PHF23: variants seen among roughly 807,000 people sequenced by gnomAD.
The protein encoded by PHF23 is PHD finger protein 23, also known as PDH-containing protein JUNE-1.
A neutral mutation model predicts 36.0 loss-of-function variants in PHF23; 3 were observed. The ratio of observed to expected loss-of-function variants is 0.08; its 90% CI spans 0.04 to 0.22. The LOEUF (loss-of-function observed/expected upper bound fraction) is 0.22. PHF23 is among the 10% of genes least tolerant of loss of function. The pLI is 1.00. For missense variants in PHF23, 475 were observed against 513.6 expected (o/e 0.92, Z 0.73); for synonymous variants, 242 against 192.5 (o/e 1.26, Z -2.13).
At chr17:7,237,725 AC>A (rs2071698338) in intron 1 of PHF23, 65 bp from the exon 2 acceptor site, 3 of 1,576,032 alleles carry the variant, frequency 1.9e-6, no homozygotes, top group East Asian at 4.5e-5. Context: ...CCCCCTCTAA[AC>A]CCCGTTGTTC....
rs372556108 is a variant in PHF23 at position 7,237,462 on chromosome 17, G to T, written c.82C>A (p.Arg28=). The change falls in exon 3 of 5, where the codon CGG becomes AGG. Residue 28 remains arginine (R), a synonymous_variant. Transcript: ENST00000320316. The part of the protein sequence containing the change: ...KPETQPPEKR[R]RTIEDFNKFC... ...TTGTTGAAATCCTCAATTGTTCTCC[G>T]CCGTTTCTCTGGTGGCTGAAAGGAA... 1.3e-4 allele frequency: 212 copies of T among 1,613,936 alleles called. No homozygotes were observed. The highest frequency in any genetic ancestry group is 5.7e-4 in the South Asian group (52 of 91,068).
In PHF23 at chr17:7,236,853, G is replaced by C; in HGVS notation, c.160-86C>G. 6.7e-7 allele frequency: 1 copy of C among 1,502,660 alleles called. No individual in the cohort carries two copies. The highest frequency in any genetic ancestry group is 2.3e-5 in the Admixed American group (1 of 43,486). 93.1% of individuals were successfully genotyped at this position (1,502,660 alleles called of 1,614,324 possible). The stretch of plus-strand genomic sequence containing the variant: ...AACCCAGCTTGAAAAGGAGTGACTG[G>C]ATTTACCCCAAAATGTCCTACCTCA... On this transcript the variant is annotated intron_variant, in intron 3 of 4. Transcript: ENST00000320316. The surrounding 1 kb of genome is among the most constrained non-coding windows in gnomAD (Gnocchi z 5.1).
At chr17:7,237,819 T>C (rs2071702655) in intron 1 of PHF23, 159 bp from the exon 2 acceptor site, 1 of 811,238 alleles carries the variant, frequency 1.2e-6, no homozygotes, top group Non-Finnish European at 1.9e-6. Context: ...GGCTCCCCCT[T>C]CCGCCCCGCG....
intron 1 of PHF23, chr17:7,238,841 A>AC: frequency 1.3e-6 from 2 of 1,532,322 alleles, no homozygotes. Flanking sequence ...CTCCGGTACC[A>AC]CCGCCACAAA....
Position 7,236,224 on chromosome 17 carries a change from G to A in PHF23, c.703C>T (p.Pro235Ser), listed in dbSNP as rs888092461. 12 of 1,613,210 alleles carry A rather than the reference G, an allele frequency of 7.4e-6. No individual in the cohort carries two copies. The Middle Eastern group carries it at 4.9e-4, about 66-fold the overall frequency. ...CTGGGGGGTGCCTGGGGAGGCCCAG[G>A]AGGTGGGAGTCTATCCCCCCGTTCT... is the stretch of plus-strand genomic sequence containing the variant. ...KAERGDRLPP[P>S]GPPQAPPSDT... The change falls in exon 4 of 5, where the codon CCT becomes TCT. Residue 235 changes from proline (P) to serine (S), a missense_variant. Transcript: ENST00000320316. This position sits in a 1 kb window ranked among gnomAD's most constrained non-coding sequence, Gnocchi z 5.1.
upstream of PHF23, chr17:7,240,782 A>G: frequency 1.1e-6 from 1 of 945,916 alleles, no homozygotes; most frequent in Non-Finnish European, 1.7e-6. Context: ...TTGAAGGAGG[A>G]GGAGGTCAAG....
At chr17:7,238,756 C>T (rs1244460692) in intron 1 of PHF23, 3 of 1,531,196 alleles carry the variant, frequency 2.0e-6, no homozygotes, top group African/African-American at 1.4e-5. Flanking sequence ...ATACCCAGAC[C>T]CCCTCTTCTC....
At position 7,236,332 on chromosome 17, in the gene PHF23, G is replaced by A. The variant is rs1421315873; in HGVS notation, c.595C>T (p.Leu199Phe). Residue 199 changes from leucine to phenylalanine, a missense_variant, in exon 4 of 5, where the codon CTT (leucine) becomes TTT (phenylalanine). This residue lies in a region of PHF23 where 350 missense variants were observed against 319.8 expected (regional missense o/e 1.09). Transcript: ENST00000320316. This position sits in a 1 kb window ranked among gnomAD's most constrained non-coding sequence, Gnocchi z 5.1. ...GPGAGAGFGV[L>F]RRPRPTPGDG... The stretch of plus-strand genomic sequence containing the variant: ...CCAGGAGTTGGCCGAGGCCTCCGAA[G>A]CACCCCAAAGCCAGCCCCAGCTCCT... The A allele has an allele frequency of 6.2e-7, 1 of 1,613,994 alleles. No homozygotes were observed. Among genetic ancestry groups the A allele is most frequent in the Non-Finnish European group, 8.5e-7 (1 of 1,180,016 alleles).
rs750634005 is a variant in PHF23 at position 7,236,033 on chromosome 17, A to G, written c.894T>C (p.Ser298=). ...CAGTGCTGCCCACCTCCTTGCTTTC[A>G]CTGTCAGCAGGAGGGACTCCTTCAG... ...VHPEGVPPAD[S]ESKEVGSTET... The change falls in exon 4 of 5, where the codon AGT becomes AGC. Residue 298 remains serine (S), a synonymous_variant. Coordinates refer to ENST00000320316, the MANE Select transcript of PHF23 (RefSeq NM_024297.3). This position sits in a 1 kb window ranked among gnomAD's most constrained non-coding sequence, Gnocchi z 5.1. The G allele has an allele frequency of 2.5e-6, 4 of 1,613,844 alleles. No individual in the cohort carries two copies. Among genetic ancestry groups the G allele is most frequent in the Middle Eastern group, 1.7e-4 (1 of 6,060 alleles).
rs752078225 is a variant in PHF23, at chr17:7,237,635, C to G, written c.60G>C (p.Glu20Asp). ...AAGGTAAGGCAAACCTCACCTGAGT[C>G]TCTGGCTTAAGGGTCGGAGGTGGAT... ...PEDPPPTLKP[E>D]TQPPEKRRRT... The change falls in exon 2 of 5, where the codon GAG becomes GAC. Residue 20 changes from glutamate (E) to aspartate (D), a missense_variant. This residue lies in a region of PHF23 where 54 missense variants were observed against 42.0 expected (regional missense o/e 1.28). Transcript: ENST00000320316. 2 of 1,613,998 alleles carry G rather than the reference C, an allele frequency of 1.2e-6. No individual in the cohort carries two copies. The highest frequency in any genetic ancestry group is 1.1e-5 in the South Asian group (1 of 91,080).
rs2071681477 is a variant in PHF23, at chr17:7,236,891, C to T, written c.160-124G>A. 2.8e-6 allele frequency: 4 copies of T among 1,449,024 alleles called. No homozygotes were observed. The highest frequency in any genetic ancestry group is 2.8e-5 in the Admixed American group (1 of 35,884). 89.8% of individuals were successfully genotyped at this position (1,449,024 alleles called of 1,614,324 possible). ...ATGTCCTACCTCAACCACTAAATCC[C>T]ACTGTACTCCAAAAACTTCTCCCCA... On this transcript the variant is annotated intron_variant, in intron 3 of 4. Coordinates refer to ENST00000320316, the MANE Select transcript of PHF23 (RefSeq NM_024297.3). This position sits in a 1 kb window ranked among gnomAD's most constrained non-coding sequence, Gnocchi z 5.1.
chr17:7,237,761 G>A, intron 1 of PHF23, 101 bp from the exon 2 acceptor site: 1 of 1,384,700 alleles, frequency 7.2e-7, no homozygotes, highest in Non-Finnish European at 1.0e-6. Context: ...TGCTCTCCCA[G>A]GTCCCTCTGC....
intron 1 of PHF23, chr17:7,238,920 C>T: frequency 6.6e-7 from 1 of 1,526,142 alleles, no homozygotes; most frequent in Non-Finnish European, 8.8e-7. Flanking sequence ...CTGAGCAACT[C>T]TCCGGCCACT....
chr17:7,235,585 T>C lies in PHF23; in HGVS notation c.*41A>G, dbSNP rs763863644. The C allele has an allele frequency of 2.5e-6, 4 of 1,599,346 alleles. No individual in the cohort carries two copies. Among genetic ancestry groups the C allele is most frequent in the Non-Finnish European group, 3.4e-6 (4 of 1,174,034 alleles). On this transcript the variant is annotated 3_prime_UTR_variant, in exon 5 of 5. Transcript: ENST00000320316. The stretch of plus-strand genomic sequence containing the variant: ...AGGACCCTGAGGCTCAGTTCCCAAA[T>C]CATGTTGTCATTTGGAAGTTCCAGG...
rs1215443734 is a variant in PHF23, at chr17:7,235,258, TAGA to T, written c.*365_*367del. ...AGAAGAAAATAAATGGGGAGTGAAA[TAGA>T]AGAAAAGATGAGGGAGGGGAGTGCT... On this transcript the variant is annotated 3_prime_UTR_variant, in exon 5 of 5. Transcript: ENST00000320316. The T allele has an allele frequency of 3.8e-6, 1 of 262,828 alleles. No individual in the cohort carries two copies. Among genetic ancestry groups the T allele is most frequent in the Non-Finnish European group, 7.5e-6 (1 of 133,790 alleles). The allele number at this position is 262,828 out of a possible 1,614,324, so 16.3% of individuals were successfully genotyped here. A position where few individuals can be genotyped will look rare whatever the true frequency, so the allele number is the denominator to read the frequency against.
chr17:7,237,832 G>A (rs978297644), intron 1 of PHF23, 172 bp from the exon 2 acceptor site: 48 of 736,982 alleles, frequency 6.5e-5, no homozygotes, highest in Non-Finnish European at 1.0e-4. Flanking sequence ...GCCCCGCGAG[G>A]GGCGGAGCCT....
intron 1 of PHF23, chr17:7,239,003 C>G: frequency 6.9e-7 from 1 of 1,452,008 alleles, no homozygotes; most frequent in African/African-American, 1.4e-5. Flanking sequence ...CCCCGAGGCT[C>G]CGGGTTTCAA....
Position 7,235,402 on chromosome 17 carries a change from C to A in PHF23, c.*224G>T. ...CAGAGATTATGTGTCGGGACACAGACAGCCTCCCATCCCCAACCGTAATGG... is the reference window on the plus strand; with the variant it reads ...CAGAGATTATGTGTCGGGACACAGAAAGCCTCCCATCCCCAACCGTAATGG... On this transcript the variant is annotated 3_prime_UTR_variant, in exon 5 of 5. Coordinates refer to ENST00000320316, the MANE Select transcript of PHF23 (RefSeq NM_024297.3). 1 of 566,116 alleles carries A rather than the reference C, an allele frequency of 1.8e-6. No homozygotes were observed. Among genetic ancestry groups the A allele is most frequent in the Non-Finnish European group, 3.2e-6 (1 of 317,128 alleles). The allele number at this position is 566,116 out of a possible 1,614,324, so 35.1% of individuals were successfully genotyped here.
intron 1 of PHF23, chr17:7,238,639 C>T: frequency 3.4e-6 from 1 of 297,120 alleles, no homozygotes; most frequent in Non-Finnish European, 3.9e-6. Context: ...CCGGTCTTAA[C>T]CCCCCCCACC....
Sources: gnomAD v4.1 joint callset for allele counts on GRCh38, gnomAD v4.1.1 for gene constraint, gnomAD v4.1.1 regional missense constraint, Gnocchi (gnomAD v3.1) non-coding constraint, MANE v1.5 for transcripts, NCBI Gene and HGNC (gene_info 2026-07-23, HGNC 2026-07-21) for gene names.